The following LRIT1 variants were observed in gnomAD, a reference collection of about 807,000 sequenced individuals.
LRIT1 encodes leucine-rich repeat, immunoglobulin-like domain and transmembrane domain-containing protein 1.
LRIT1 carries 23 observed loss-of-function variants against 24.0 expected under a neutral mutation model. The ratio of observed to expected loss-of-function variants is 0.96; its 90% CI spans 0.69 to 1.36. The LOEUF is 1.36. LRIT1 is among the 40% of genes most tolerant of loss of function. The pLI is 0.00. For missense variants in LRIT1, 846 were observed against 806.3 expected (o/e 1.05, Z -0.60); for synonymous variants, 361 against 340.5 (o/e 1.06, Z -0.66).
chr10:84,237,753 T>A, intron 1 of LRIT1, 67 bp from the exon 2 acceptor site: 1 of 1,271,766 alleles, frequency 7.9e-7, no homozygotes, highest in Admixed American at 2.2e-5. Flanking sequence ...CACCGCTACC[T>A]CCCTTCGCGA....
rs1842691771 is a variant in LRIT1, at chr10:84,241,521, C to T, written c.-82G>A. ...ACCGGCCCAGCAAGCTCAGCAGCTG[C>T]CCACTTGCTCGCCAGCCCCTTACAC... On this transcript the variant is annotated 5_prime_UTR_variant, in exon 1 of 4. Transcript: ENST00000372105. 7.1e-7 allele frequency: 1 copy of T among 1,403,224 alleles called. No individual in the cohort carries two copies. The highest frequency in any genetic ancestry group is 9.3e-7 in the Non-Finnish European group (1 of 1,069,924). 86.9% of individuals were successfully genotyped at this position (1,403,224 alleles called of 1,614,324 possible).
rs888263213 is a variant in LRIT1 at position 84,231,821 on chromosome 10, G to A, written c.*106C>T. 8.6e-6 allele frequency: 11 copies of A among 1,278,570 alleles called. No individual in the cohort carries two copies. The highest frequency in any genetic ancestry group is 1.5e-5 in the South Asian group (1 of 67,332). 79.2% of individuals were successfully genotyped at this position (1,278,570 alleles called of 1,614,324 possible). ...GCTGTTGTTGTGTGTAAGTATCTGA[G>A]TAAGCAGGTACCCGAGCAGGTAAGA... On this transcript the variant is annotated 3_prime_UTR_variant, in exon 4 of 4. Transcript: ENST00000372105.
Position 84,241,303 on chromosome 10 carries a change from C to G in LRIT1, c.122+15G>C, listed in dbSNP as rs749794611. On this transcript the variant is annotated intron_variant, in intron 1 of 3. Coordinates refer to ENST00000372105, the MANE Select transcript of LRIT1 (RefSeq NM_015613.3). ...TGGAGGCTGGGCTGCCCGTCCCACG[C>G]ACCCGGTACCATACCTGGCCTTGCT... 2.5e-6 allele frequency: 4 copies of G among 1,613,868 alleles called. No homozygotes were observed. In the South Asian group the frequency reaches 4.4e-5, roughly 18 times the overall value.
Position 84,231,819 on chromosome 10 carries a change from G to A in LRIT1, c.*108C>T, listed in dbSNP as rs1046910652. The A allele has an allele frequency of 4.8e-6, 6 of 1,257,978 alleles. No individual in the cohort carries two copies. In the African/African-American group the frequency reaches 6.0e-5, roughly 13 times the overall value. The allele number at this position is 1,257,978 out of a possible 1,614,324, so 77.9% of individuals were successfully genotyped here. On this transcript the variant is annotated 3_prime_UTR_variant, in exon 4 of 4. Coordinates refer to ENST00000372105, the MANE Select transcript of LRIT1 (RefSeq NM_015613.3). ...CTGCTGTTGTTGTGTGTAAGTATCT[G>A]AGTAAGCAGGTACCCGAGCAGGTAA...
rs920408618 is a variant in LRIT1 at position 84,234,485 on chromosome 10, G to A, written c.590-107C>T. The A allele has an allele frequency of 1.9e-4, 164 of 865,604 alleles. 1 individual carries two copies. Among genetic ancestry groups the A allele is most frequent in the Non-Finnish European group, 1.2e-4 (72 of 577,706 alleles). The allele number at this position is 865,604 out of a possible 1,614,324, so 53.6% of individuals were successfully genotyped here. On this transcript the variant is annotated intron_variant, in intron 2 of 3. Transcript: ENST00000372105. Reference sequence around the variant, plus strand: ...ACAGGCAGGTCCTCATTCAGAGTCAGCAGAACTGGCCTCTGGACCCAGCTC... The same window carrying A: ...ACAGGCAGGTCCTCATTCAGAGTCAACAGAACTGGCCTCTGGACCCAGCTC...
rs186399298 is a variant in LRIT1 at position 84,238,772 on chromosome 10, T to G, written c.123-1086A>C. On this transcript the variant is annotated intron_variant, in intron 1 of 3. Transcript: ENST00000372105. ...CAGCACTGCAAGTAGATCGGGTCAGTCTTATCAGCTCTTCTACCCAAACCA... is the reference window on the plus strand; with the variant it reads ...CAGCACTGCAAGTAGATCGGGTCAGGCTTATCAGCTCTTCTACCCAAACCA... Among the ~76,000 whole-genome samples the G allele has an allele frequency of 8.5e-5, 13 of 152,358 alleles. No individual in the cohort carries two copies. In the East Asian group the frequency reaches 2.5e-3, roughly 29 times the overall value.
At chr10:84,235,191 A>G (rs1311937788) in intron 2 of LRIT1, among the ~76,000 whole-genome samples, 8 of 152,204 alleles carry the variant, frequency 5.3e-5, no homozygotes, top group African/African-American at 1.9e-4. Flanking sequence ...TATCTTATAC[A>G]TTCACACAGA....
At chr10:84,235,905 C>T (rs544593138) in intron 2 of LRIT1, among the ~76,000 whole-genome samples, 2 of 151,874 alleles carry the variant, frequency 1.3e-5, no homozygotes, top group South Asian at 4.2e-4. Context: ...GCCCCCGTAC[C>T]CGGCCCAGAT....
chr10:84,234,944 T>C (rs1842636031), intron 2 of LRIT1, among the ~76,000 whole-genome samples: 1 of 152,116 alleles, frequency 6.6e-6, no homozygotes, highest in Non-Finnish European at 1.5e-5. Flanking sequence ...TACTCTAAAA[T>C]TGAACATTCT....
In LRIT1 at chr10:84,241,319, T is replaced by TG; in HGVS notation, c.120dup (p.Arg41GlnfsTer109). On this transcript the variant is annotated frameshift_variant and splice_region_variant, in exon 1 of 4. Transcript: ENST00000372105. LOFTEE classifies it high-confidence loss of function. ...CGTCCCACGCACCCGGTACCATACCTGGCCTTGCTGCCATCACCCATGATA... is the reference window on the plus strand; with the variant it reads ...CGTCCCACGCACCCGGTACCATACCTGGGCCTTGCTGCCATCACCCATGATA... 6.2e-7 allele frequency: 1 copy of TG among 1,613,856 alleles called. No individual in the cohort carries two copies. The highest frequency in any genetic ancestry group is 8.5e-7 in the Non-Finnish European group (1 of 1,179,912).
At chr10:84,238,116 G>A (rs1180085916) in intron 1 of LRIT1, among the ~76,000 whole-genome samples, 2 of 152,198 alleles carry the variant, frequency 1.3e-5, no homozygotes, top group Non-Finnish European at 2.9e-5. Context: ...CACTTTGGGA[G>A]GTGGAGGCGG....
chr10:84,240,184 C>T (rs1842681314), intron 1 of LRIT1, among the ~76,000 whole-genome samples: 1 of 152,240 alleles, frequency 6.6e-6, no homozygotes, highest in South Asian at 2.1e-4. Context: ...CCTATGCCTT[C>T]TACGGGTGGT....
Position 84,237,450 on chromosome 10 carries a change from G to T in LRIT1, c.359C>A (p.Ala120Asp). Residue 120 changes from alanine (A) to aspartate (D), a missense_variant, in exon 2 of 4, where the codon GCC (alanine) becomes GAC (aspartate). Ala to Asp is a moderately radical substitution (Grantham distance 126). Coordinates refer to ENST00000372105, the MANE Select transcript of LRIT1 (RefSeq NM_015613.3). ...RELRLPGNRL[A>D]AFPWAALRDA... ...CCTGAGCGCCGCCCAGGGGAAGGCGGCCAGGCGGTTCCCGGGCAGCCGCAG... is the reference window on the plus strand; with the variant it reads ...CCTGAGCGCCGCCCAGGGGAAGGCGTCCAGGCGGTTCCCGGGCAGCCGCAG... 2.6e-6 allele frequency: 4 copies of T among 1,557,664 alleles called. No individual in the cohort carries two copies. Among genetic ancestry groups the T allele is most frequent in the Non-Finnish European group, 2.6e-6 (3 of 1,154,906 alleles).
intron 2 of LRIT1, 89 bp from the exon 3 acceptor site, chr10:84,234,467 G>A (rs1407024402): frequency 9.3e-7 from 1 of 1,081,020 alleles, no homozygotes; most frequent in Non-Finnish European, 1.3e-6. Context: ...AGGACAGGCA[G>A]GTCCTCATTC....
Position 84,232,675 on chromosome 10 carries a change from T to A in LRIT1, c.1124A>T (p.Asn375Ile), listed in dbSNP as rs377486344. The A allele has an allele frequency of 1.9e-6, 3 of 1,613,648 alleles. No homozygotes were observed. Among genetic ancestry groups the A allele is most frequent in the Non-Finnish European group, 8.5e-7 (1 of 1,179,758 alleles). Residue 375 changes from asparagine (N) to isoleucine (I), a missense_variant, in exon 4 of 4, where the codon AAC becomes ATC. Transcript: ENST00000372105. ...TGGGGEAAAY[N>I]NKLVARHVPQ... Reference sequence around the variant, plus strand: ...GACATGCCTGGCCACCAGCTTGTTGTTGTAAGCAGCAGCTTCCCCTCCGCC... The same window carrying A: ...GACATGCCTGGCCACCAGCTTGTTGATGTAAGCAGCAGCTTCCCCTCCGCC...
At position 84,232,070 on chromosome 10, in the gene LRIT1, G is replaced by A. The variant is rs1400441365; in HGVS notation, c.1729C>T (p.Leu577=). The A allele has an allele frequency of 6.2e-7, 1 of 1,614,186 alleles. No individual in the cohort carries two copies. The highest frequency in any genetic ancestry group is 1.1e-5 in the South Asian group (1 of 91,086). Residue 577 remains leucine (L), a synonymous_variant, in exon 4 of 4, where the codon CTG becomes TTG. Transcript: ENST00000372105. ...TCCAAGCCGTCCTCGCTGTAGCCCA[G>A]TCTCTCTAGGTTGACGTAGGTAACT... The part of the protein sequence containing the change: ...ATVTYVNLER[L]GYSEDGLEEL...
At chr10:84,235,520 A>G (rs1842640376) in intron 2 of LRIT1, among the ~76,000 whole-genome samples, 1 of 152,236 alleles carries the variant, frequency 6.6e-6, no homozygotes. Flanking sequence ...CCAGACTGAC[A>G]AAAGTTAAAC....
rs1415258512 is a variant in LRIT1, at chr10:84,232,194, C to A, written c.1605G>T (p.Val535=). The A allele has an allele frequency of 6.2e-7, 1 of 1,614,202 alleles. No individual in the cohort carries two copies. The highest frequency in any genetic ancestry group is 1.7e-5 in the Admixed American group (1 of 60,030). The change falls in exon 4 of 4, where the codon GTG becomes GTT. Residue 535 remains valine (V), a synonymous_variant. Transcript: ENST00000372105. The stretch of plus-strand genomic sequence containing the variant: ...TGAGAGGCAGGGCAATGACGATGGC[C>A]ACACTGATCACCACCACATTGATAA... ...QQLINVVVIS[V]AIVIALPLTL... is the part of the protein sequence containing the mutation.
chr10:84,236,840 T>G (rs1842650858), intron 2 of LRIT1, among the ~76,000 whole-genome samples: 1 of 152,228 alleles, frequency 6.6e-6, no homozygotes, highest in South Asian at 2.1e-4. Context: ...CTTCTGTCAT[T>G]CTCAGGACCA....
Sources: gnomAD v4.1 joint callset for allele counts (sites outside exome capture counted in the v4.1 genomes callset) on GRCh38, gnomAD v4.1.1 for gene constraint, MANE v1.5 for transcripts, NCBI Gene and HGNC (gene_info 2026-07-23, HGNC 2026-07-21) for gene names.